Variants in SLC17A5 observed in about 807,000 individuals in gnomAD.
SLC17A5 encodes sialin.
SLC17A5 carries 47 observed loss-of-function variants against 59.4 expected under a neutral mutation model. That is an observed-to-expected ratio of 0.79 (90% CI 0.63 to 1.01). The LOEUF (loss-of-function observed/expected upper bound fraction) is 1.01, where lower values mean the gene tolerates loss of function less well. Ranked by LOEUF, SLC17A5 falls within the 50% of genes least tolerant of loss-of-function variation. The pLI, the probability that SLC17A5 is intolerant of heterozygous loss-of-function variation, is 0.00. For synonymous variants in SLC17A5, 202 were observed against 210.7 expected, an observed-to-expected ratio of 0.96 and a Z score of 0.36; for missense variants, 522 against 595.5, an observed-to-expected ratio of 0.88 and a Z score of 1.28.
chr6:73,638,988 C>CATAA (rs572367165), intron 3 of SLC17A5, among the ~76,000 whole-genome samples: 76 of 152,112 alleles, frequency 5.0e-4, no homozygotes, highest in Non-Finnish European at 1.0e-3. Flanking sequence ...ATATTACTAA[C>CATAA]TTATAACTTT....
intron 1 of SLC17A5, among the ~76,000 whole-genome samples, chr6:73,649,814 A>G (rs1280798280): frequency 6.6e-6 from 1 of 152,076 alleles, no homozygotes; most frequent in Admixed American, 6.6e-5. Context: ...GTTAGTTCTC[A>G]TTTGTGAGAA....
rs757664357 is a variant in SLC17A5, at chr6:73,610,498, A to G, written c.1161T>C (p.Cys387=). The G allele has an allele frequency of 1.9e-6, 3 of 1,614,134 alleles. No individual in the cohort carries two copies. The highest frequency in any genetic ancestry group is 2.5e-6 in the Non-Finnish European group (3 of 1,180,002). ...VFLVAAGFIG[C]DYSLAVAFLT... is the part of the protein sequence containing the mutation. The stretch of plus-strand genomic sequence containing the variant: ...GGAAAGCAACGGCCAAAGAATAATC[A>G]CAGCCAATGAAGCCAGCAGCTACCA... The change falls in exon 9 of 11, where the codon TGT becomes TGC. Residue 387 remains cysteine, a synonymous_variant. Coordinates refer to ENST00000355773, the MANE Select transcript of SLC17A5 (RefSeq NM_012434.5).
At chr6:73,645,229 T>C (rs3799290) in intron 1 of SLC17A5, 34,743 of 599,576 alleles carry the variant, frequency 0.058, 1,211 homozygotes, top group Admixed American at 0.16. Flanking sequence ...AAATGTAGCA[T>C]AGCAAAAAAA....
intron 1 of SLC17A5, among the ~76,000 whole-genome samples, chr6:73,650,151 A>G (rs1030835727): frequency 1.3e-5 from 2 of 149,418 alleles, no homozygotes; most frequent in African/African-American, 2.5e-5. Flanking sequence ...ACTTGAGCCC[A>G]GGAGTTTGAG....
chr6:73,606,521 G>A (rs749033336), intron 9 of SLC17A5, among the ~76,000 whole-genome samples: 5 of 151,940 alleles, frequency 3.3e-5, no homozygotes, highest in African/African-American at 4.8e-5. Flanking sequence ...TGTCTTTTTC[G>A]GCTTATAAGA....
rs755923873 is a variant in SLC17A5 at position 73,635,463 on chromosome 6, C to A, written c.738G>T (p.Trp246Cys). The change falls in exon 6 of 11, where the codon TGG becomes TGT. Residue 246 changes from tryptophan to cysteine, a missense_variant. By Grantham distance (215) the Trp-to-Cys change is radical. Around this residue, in one of 3 missense-constraint regions of SLC17A5, gnomAD observed 338 missense variants for 363.8 expected, o/e 0.93. Coordinates refer to ENST00000355773, the MANE Select transcript of SLC17A5 (RefSeq NM_012434.5). ...IGIFWFLLWI[W>C]LVSDTPQKHK... ...GTTTTTGTGGTGTGTCACTAACTAA[C>A]CAGATCCACAAAAGAAACCAAAATA... 3.7e-6 allele frequency: 6 copies of A among 1,606,464 alleles called. No individual in the cohort carries two copies. Among genetic ancestry groups the A allele is most frequent in the Admixed American group, 1.7e-5 (1 of 59,786 alleles).
intron 3 of SLC17A5, among the ~76,000 whole-genome samples, chr6:73,640,335 A>T (rs775827758): frequency 1.3e-5 from 2 of 152,264 alleles, no homozygotes; most frequent in Non-Finnish European, 2.9e-5. Context: ...AAATAAAAAC[A>T]TTCAGATGAA....
intron 7 of SLC17A5, 31 bp from the exon 8 acceptor site, chr6:73,615,478 T>C (rs763202158): frequency 6.2e-7 from 1 of 1,612,098 alleles, no homozygotes; most frequent in South Asian, 1.1e-5. Context: ...CAGGATTAAT[T>C]ACGGTGAGAG....
At chr6:73,653,471 C>T (rs988878650) in intron 1 of SLC17A5, 1 of 985,242 alleles carries the variant, frequency 1.0e-6, no homozygotes, top group Admixed American at 6.1e-5. Context: ...AAAATAACCA[C>T]CAGCTCAGCG....
chr6:73,638,832 G>A (rs999396377), intron 3 of SLC17A5, among the ~76,000 whole-genome samples: 1 of 151,724 alleles, frequency 6.6e-6, no homozygotes, highest in Admixed American at 6.6e-5. Flanking sequence ...ACTCCCCAAA[G>A]ATTCATGGAT....
chr6:73,645,331 T>G, intron 1 of SLC17A5: 1 of 985,430 alleles, frequency 1.0e-6, no homozygotes, highest in Non-Finnish European at 1.2e-6. Flanking sequence ...TCAGAAGCCA[T>G]GATTAATACT....
chr6:73,651,384 CG>C (rs1369139690), intron 1 of SLC17A5, among the ~76,000 whole-genome samples: 1 of 128,820 alleles, frequency 7.8e-6, no homozygotes, highest in Non-Finnish European at 1.6e-5. Flanking sequence ...TCACTTGAAC[CG>C]GGGAGGCTGA....
Position 73,595,037 on chromosome 6 carries a change from A to G in SLC17A5, c.*40T>C, listed in dbSNP as rs1293371305. 6.2e-7 allele frequency: 1 copy of G among 1,610,832 alleles called. No individual in the cohort carries two copies. Among genetic ancestry groups the G allele is most frequent in the African/African-American group, 1.3e-5 (1 of 75,002 alleles). On this transcript the variant is annotated 3_prime_UTR_variant, in exon 11 of 11. Coordinates refer to ENST00000355773, the MANE Select transcript of SLC17A5 (RefSeq NM_012434.5). Reference sequence around the variant, plus strand: ...GGCACTTTGAGGTTACATGATAAATAAAAATACATTAATAGAGGCAGGATT... The same window carrying G: ...GGCACTTTGAGGTTACATGATAAATGAAAATACATTAATAGAGGCAGGATT...
chr6:73,640,986 A>C (rs925606658), intron 3 of SLC17A5, among the ~76,000 whole-genome samples: 1 of 152,236 alleles, frequency 6.6e-6, no homozygotes, highest in Non-Finnish European at 1.5e-5. Flanking sequence ...GCAACTCAAC[A>C]GTCTATTGTG....
At chr6:73,644,696 T>C (rs1302079519) in intron 1 of SLC17A5, 93 bp from the exon 2 acceptor site, 5 of 1,240,034 alleles carry the variant, frequency 4.0e-6, no homozygotes, top group Non-Finnish European at 5.7e-6. Context: ...GGTCTTGAAC[T>C]CCTGGGCTCA....
At chr6:73,648,297 CAA>C (rs553448328) in intron 1 of SLC17A5, among the ~76,000 whole-genome samples, 90 of 152,244 alleles carry the variant, frequency 5.9e-4, no homozygotes, top group African/African-American at 1.9e-3. Flanking sequence ...CTTGCATGAC[CAA>C]GAGAGAGAAC....
chr6:73,651,296 A>G (rs1012740092), intron 1 of SLC17A5, among the ~76,000 whole-genome samples: 2 of 151,656 alleles, frequency 1.3e-5, no homozygotes, highest in African/African-American at 2.4e-5. Context: ...CTCCGTCTCT[A>G]CTAAAAATAC....
chr6:73,649,776 G>GAAATGAGGAACCT (rs1769759923), intron 1 of SLC17A5, among the ~76,000 whole-genome samples: 1 of 152,066 alleles, frequency 6.6e-6, no homozygotes, highest in African/African-American at 2.4e-5. Flanking sequence ...TGGAAATTAG[G>GAAATGAGGAACCT]AATTGAGGTT....
chr6:73,630,522 C>T (rs1268309644), intron 6 of SLC17A5, among the ~76,000 whole-genome samples: 8 of 152,148 alleles, frequency 5.3e-5, no homozygotes, highest in African/African-American at 1.9e-4. Context: ...CTGATTCTGT[C>T]ACTTCGAGCT....
Sources: allele counts gnomAD v4.1 joint callset (sites outside exome capture counted in the v4.1 genomes callset), GRCh38; gene constraint gnomAD v4.1.1; regional missense constraint gnomAD v4.1.1; transcripts MANE v1.5; gene names NCBI Gene and HGNC (gene_info 2026-07-23, HGNC 2026-07-21).